Variants in TAFA1 observed in about 807,000 individuals in gnomAD.
The protein encoded by TAFA1 is TAFA chemokine like family member 1, also known as chemokine-like protein TAFA-1.
TAFA1 carries 4 observed loss-of-function variants against 18.5 expected under a neutral mutation model. The ratio of observed to expected loss-of-function variants is 0.22; its 90% CI spans 0.11 to 0.49. The LOEUF (loss-of-function observed/expected upper bound fraction) is 0.49, where lower values mean the gene tolerates loss of function less well. Among genes scored for constraint, TAFA1 ranks in the 20% least tolerant of loss-of-function variants. The probability of loss-of-function intolerance (pLI) is 0.98; values close to 1 mark genes in which losing one functional copy is unlikely to be tolerated. For missense variants in TAFA1, 147 were observed against 169.0 expected, an observed-to-expected ratio of 0.87 and a Z score of 0.72; for synonymous variants, 56 against 55.2, an observed-to-expected ratio of 1.01 and a Z score of -0.06.
At chr3:68,112,301 T>C (rs1351500223) in intron 2 of TAFA1, among the ~76,000 whole-genome samples, 1 of 152,166 alleles carries the variant, frequency 6.6e-6, no homozygotes, top group Non-Finnish European at 1.5e-5. Context: ...CAGCTATGCA[T>C]CCTGCTGAAT....
At position 68,054,793 on chromosome 3, in the gene TAFA1, G is replaced by T. The variant is rs1209238446; in HGVS notation, c.118+48049G>T. On this transcript the variant is annotated intron_variant, in intron 2 of 4. Coordinates refer to ENST00000478136, the MANE Select transcript of TAFA1 (RefSeq NM_213609.4). ...TGGGGTTAATATTATTCATTCATTT[G>T]TTTATTCATCTATTTAACAGACAGT... 2.6e-5 allele frequency among the ~76,000 whole-genome samples: 4 copies of T among 152,116 alleles called. No homozygotes were observed. The East Asian group carries it at 5.8e-4, about 22-fold the overall frequency.
chr3:68,376,238 A>G (rs1402998670), intron 2 of TAFA1, among the ~76,000 whole-genome samples: 1 of 150,012 alleles, frequency 6.7e-6, no homozygotes, highest in Non-Finnish European at 1.5e-5. Flanking sequence ...TTGGAATTCT[A>G]TCCTAGTTCT....
chr3:68,248,993 G>C (rs1303180287), intron 2 of TAFA1, among the ~76,000 whole-genome samples: 1 of 152,014 alleles, frequency 6.6e-6, no homozygotes, highest in African/African-American at 2.4e-5. Context: ...TTCACGGTAT[G>C]AAAGCCCCTA....
At chr3:68,525,648 T>A (rs1183944779) in intron 3 of TAFA1, among the ~76,000 whole-genome samples, 2 of 152,190 alleles carry the variant, frequency 1.3e-5, no homozygotes, top group African/African-American at 4.8e-5. Flanking sequence ...TAATCAACTA[T>A]CAAATTATTT....
chr3:68,398,494 A>G (rs188507335), intron 2 of TAFA1, among the ~76,000 whole-genome samples: 1 of 152,186 alleles, frequency 6.6e-6, no homozygotes, highest in East Asian at 1.9e-4. Flanking sequence ...TTTCACAAAT[A>G]CTGTCTGGAG....
intron 2 of TAFA1, among the ~76,000 whole-genome samples, chr3:68,093,954 A>G (rs2065057260): frequency 6.6e-6 from 1 of 151,992 alleles, no homozygotes; most frequent in African/African-American, 2.4e-5. Flanking sequence ...AGTTTTTGCA[A>G]TTTACATATA....
intron 2 of TAFA1, among the ~76,000 whole-genome samples, chr3:68,304,595 G>A (rs1434763329): frequency 6.6e-6 from 1 of 152,102 alleles, no homozygotes; most frequent in Non-Finnish European, 1.5e-5. Context: ...TGGTACCTAG[G>A]AAATGAGATA....
intron 3 of TAFA1, among the ~76,000 whole-genome samples, chr3:68,531,655 C>A (rs2073189933): frequency 6.6e-6 from 1 of 152,182 alleles, no homozygotes; most frequent in East Asian, 1.9e-4. Context: ...ACCTACTCAT[C>A]CAACTCCTGA....
chr3:68,076,939 T>C (rs950679399), intron 2 of TAFA1, among the ~76,000 whole-genome samples: 1 of 152,180 alleles, frequency 6.6e-6, no homozygotes, highest in African/African-American at 2.4e-5. Flanking sequence ...GTAAAAGTGT[T>C]CCTATTTCTC....
intron 2 of TAFA1, among the ~76,000 whole-genome samples, chr3:68,191,876 C>T (rs933381124): frequency 4.0e-5 from 6 of 151,730 alleles, no homozygotes; most frequent in African/African-American, 9.7e-5. Context: ...GTGGTGTTTT[C>T]GTAAACTCTT....
intron 2 of TAFA1, among the ~76,000 whole-genome samples, chr3:68,387,252 C>A (rs1337003499): frequency 6.6e-6 from 1 of 152,100 alleles, no homozygotes; most frequent in African/African-American, 2.4e-5. Flanking sequence ...AGGTTTCTCA[C>A]AGATCTGACA....
intron 2 of TAFA1, among the ~76,000 whole-genome samples, chr3:68,163,620 A>G (rs1320549669): frequency 6.6e-6 from 1 of 152,066 alleles, no homozygotes; most frequent in Non-Finnish European, 1.5e-5. Flanking sequence ...GGCATAATTC[A>G]CCCTGGACTG....
At chr3:68,072,827 T>C (rs957508431) in intron 2 of TAFA1, among the ~76,000 whole-genome samples, 3 of 152,202 alleles carry the variant, frequency 2.0e-5, no homozygotes, top group Non-Finnish European at 2.9e-5. Context: ...ACTGGTTTTG[T>C]CTGAAGCTTG....
chr3:68,477,542 T>A (rs2072125003), intron 3 of TAFA1, among the ~76,000 whole-genome samples: 1 of 147,270 alleles, frequency 6.8e-6, no homozygotes, highest in Non-Finnish European at 1.5e-5. Flanking sequence ...GCTTGGCTAA[T>A]TTTTTTTTTT....
At chr3:68,415,458 G>A (rs1376424700) in intron 2 of TAFA1, among the ~76,000 whole-genome samples, 1 of 152,202 alleles carries the variant, frequency 6.6e-6, no homozygotes, top group Admixed American at 6.5e-5. Flanking sequence ...GCTCTAAGGA[G>A]AGTTAACTGG....
intron 2 of TAFA1, among the ~76,000 whole-genome samples, chr3:68,190,534 A>G (rs1295752503): frequency 6.6e-6 from 1 of 151,904 alleles, no homozygotes; most frequent in Non-Finnish European, 1.5e-5. Flanking sequence ...CCTCAGGGTC[A>G]TTTGGAATCT....
chr3:68,440,747 C>A (rs2071360568), intron 3 of TAFA1, among the ~76,000 whole-genome samples: 1 of 152,122 alleles, frequency 6.6e-6, no homozygotes, highest in Non-Finnish European at 1.5e-5. Context: ...ATACTAAGAT[C>A]TCTTGTATTC....
rs190472541 is a variant in TAFA1 at position 68,057,718 on chromosome 3, T to A, written c.118+50974T>A. 2.9e-3 allele frequency among the ~76,000 whole-genome samples: 440 copies of A among 152,244 alleles called. 3 individuals carry two copies. Among genetic ancestry groups the A allele is most frequent in the African/African-American group, 9.7e-3 (401 of 41,546 alleles). On this transcript the variant is annotated intron_variant, in intron 2 of 4. Coordinates refer to ENST00000478136, the MANE Select transcript of TAFA1 (RefSeq NM_213609.4). ...TCCTGGACTACCTGAGTGGATTCAA[T>A]GTAATTACAAGAATTCTTGTAAGTG...
At chr3:68,024,348 A>G (rs1305187522) in intron 2 of TAFA1, among the ~76,000 whole-genome samples, 3 of 152,108 alleles carry the variant, frequency 2.0e-5, no homozygotes, top group Non-Finnish European at 4.4e-5. Flanking sequence ...GGACATTGCA[A>G]TTTTAGGTGT....
Sources: gnomAD v4.1 joint callset for allele counts (sites outside exome capture counted in the v4.1 genomes callset) on GRCh38, gnomAD v4.1.1 for gene constraint, MANE v1.5 for transcripts, NCBI Gene and HGNC (gene_info 2026-07-23, HGNC 2026-07-21) for gene names.